CPE: variants seen among roughly 807,000 people sequenced by gnomAD.
The protein encoded by CPE is carboxypeptidase E.
A neutral mutation model predicts 53.5 loss-of-function variants in CPE; 17 were observed. The ratio of observed to expected loss-of-function variants is 0.32; its 90% confidence interval spans 0.22 to 0.48. The LOEUF (loss-of-function observed/expected upper bound fraction) is 0.48, where lower values mean the gene tolerates loss of function less well. Among genes scored for constraint, CPE ranks in the 20% least tolerant of loss-of-function variants. The pLI, the probability that CPE is intolerant of heterozygous loss-of-function variation, is 0.99. For missense variants in CPE, 524 were observed against 614.7 expected, an observed-to-expected ratio of 0.85 and a Z score of 1.56; for synonymous variants, 226 against 228.8, an observed-to-expected ratio of 0.99 and a Z score of 0.11.
chr4:165,464,529 C>T lies in CPE; in HGVS notation c.447C>T (p.Thr149=). The change falls in exon 2 of 9, where the codon ACC becomes ACT. Residue 149 remains threonine, a synonymous_variant. Transcript: ENST00000402744. ...CAATTGTCAACCTGATCCACAGTAC[C>T]CGCATTCACATCATGCCTTCCCTGA... The part of the protein sequence containing the change: ...NETIVNLIHS[T]RIHIMPSLNP... 6.2e-7 allele frequency: 1 copy of T among 1,613,616 alleles called. No homozygotes were observed. Among genetic ancestry groups the T allele is most frequent in the Non-Finnish European group, 8.5e-7 (1 of 1,179,772 alleles).
Position 165,391,131 on chromosome 4 carries a change from T to C in CPE, c.307+11603T>C, listed in dbSNP as rs182017131. On this transcript the variant is annotated intron_variant, in intron 1 of 8. Transcript: ENST00000402744. The stretch of plus-strand genomic sequence containing the variant: ...TTCAGTGTGAGGTATTTTTCCTGAA[T>C]AGTTTTAAAACTGTTATTCTTGTTG... Among the ~76,000 whole-genome samples the C allele has an allele frequency of 2.0e-3, 298 of 152,284 alleles. 1 individual carries two copies. The highest frequency in any genetic ancestry group is 6.7e-3 in the African/African-American group (278 of 41,578).
chr4:165,475,462 C>G (rs1214568907), intron 3 of CPE, among the ~76,000 whole-genome samples: 1 of 152,138 alleles, frequency 6.6e-6, no homozygotes, highest in Non-Finnish European at 1.5e-5. Context: ...TTTGCTGCTG[C>G]ACAAATGCAG....
At chr4:165,386,440 C>A in intron 1 of CPE, 1 of 386,948 alleles carries the variant, frequency 2.6e-6, no homozygotes. Context: ...AAATGCATAT[C>A]ATAAAACAAA....
chr4:165,495,301 A>G (rs6850689), intron 7 of CPE, among the ~76,000 whole-genome samples: 87,006 of 151,964 alleles, frequency 0.57, 27,430 homozygotes, highest in African/African-American at 0.86. Context: ...TGATTAGAAG[A>G]TCTATGATCG....
intron 1 of CPE, among the ~76,000 whole-genome samples, chr4:165,416,414 G>C (rs1198204102): frequency 5.3e-5 from 8 of 152,106 alleles, no homozygotes; most frequent in Admixed American, 5.2e-4. Flanking sequence ...ACAAAATATT[G>C]TTTTAAATTT....
At chr4:165,462,023 A>G (rs989478626) in intron 1 of CPE, among the ~76,000 whole-genome samples, 1 of 152,224 alleles carries the variant, frequency 6.6e-6, no homozygotes, top group African/African-American at 2.4e-5. Context: ...AACCTAAAGC[A>G]TTGTTATTGT....
At chr4:165,469,580 G>A (rs1732167859) in intron 3 of CPE, among the ~76,000 whole-genome samples, 1 of 152,082 alleles carries the variant, frequency 6.6e-6, no homozygotes, top group African/African-American at 2.4e-5. Flanking sequence ...CACTCCCTCT[G>A]TGAAGTCATC....
At chr4:165,464,862 TCATC>T (rs1732071505) in intron 2 of CPE, among the ~76,000 whole-genome samples, 1 of 152,236 alleles carries the variant, frequency 6.6e-6, no homozygotes, top group Non-Finnish European at 1.5e-5. Flanking sequence ...AATAAATTAT[TCATC>T]CATTTTTGTG....
chr4:165,406,110 T>G, intron 1 of CPE: 1 of 757,380 alleles, frequency 1.3e-6, no homozygotes, highest in East Asian at 2.5e-5. Flanking sequence ...CTAGCCCAGA[T>G]TTCATTCATA....
chr4:165,462,437 T>C (rs1262558785), intron 1 of CPE, among the ~76,000 whole-genome samples: 1 of 152,040 alleles, frequency 6.6e-6, no homozygotes, highest in East Asian at 1.9e-4. Context: ...CAAAGTTGTT[T>C]TGGGGAAGGG....
chr4:165,495,020 TCCCA>T (rs1218487042), intron 7 of CPE, among the ~76,000 whole-genome samples: 32 of 152,300 alleles, frequency 2.1e-4, no homozygotes, highest in Admixed American at 1.9e-3. Flanking sequence ...TTTACCAAGT[TCCCA>T]GGTTTGCACC....
Position 165,464,424 on chromosome 4 carries a change from T to C in CPE, c.342T>C (p.His114=), listed in dbSNP as rs147678061. ...EPEFKYIGNM[H]GNEAVGRELL... ...AATTTAAATACATTGGGAATATGCA[T>C]GGGAATGAGGCTGTTGGACGAGAAC... The change falls in exon 2 of 9, where the codon CAT becomes CAC. Residue 114 remains histidine, a synonymous_variant. Transcript: ENST00000402744. The C allele has an allele frequency of 3.2e-5, 52 of 1,611,750 alleles. No individual in the cohort carries two copies. Among genetic ancestry groups the C allele is most frequent in the Middle Eastern group, 3.3e-4 (2 of 6,072 alleles).
In CPE at chr4:165,485,813, A is replaced by G. The variant is rs192389198; in HGVS notation, c.973+1209A>G. ...AAGCTCCGTTAGTCTTCAGTTCTGT[A>G]TATAGTGAATAACATTCATGTCTTA... On this transcript the variant is annotated intron_variant, in intron 5 of 8. Coordinates refer to ENST00000402744, the MANE Select transcript of CPE (RefSeq NM_001873.4). 2.0e-5 allele frequency among the ~76,000 whole-genome samples: 3 copies of G among 152,356 alleles called. No homozygotes were observed. The East Asian group carries it at 5.8e-4, about 29-fold the overall frequency.
chr4:165,464,520 C>T lies in CPE; in HGVS notation c.438C>T (p.Ile146=). 1 of 1,613,864 alleles carries T rather than the reference C, an allele frequency of 6.2e-7. No homozygotes were observed. The highest frequency in any genetic ancestry group is 8.5e-7 in the Non-Finnish European group (1 of 1,179,908). The part of the protein sequence containing the change: ...QKGNETIVNL[I]HSTRIHIMPS... ...GGAACGAGACAATTGTCAACCTGAT[C>T]CACAGTACCCGCATTCACATCATGC... The change falls in exon 2 of 9, where the codon ATC becomes ATT. Residue 146 remains isoleucine, a synonymous_variant. Transcript: ENST00000402744.
Position 165,484,566 on chromosome 4 carries a change from G to C in CPE, c.935G>C (p.Gly312Ala). 6.2e-7 allele frequency: 1 copy of C among 1,614,118 alleles called. No homozygotes were observed. The change falls in exon 5 of 9, where the codon GGA (glycine) becomes GCA (alanine). Residue 312 changes from glycine (G) to alanine (A), a missense_variant. Transcript: ENST00000402744. ...KNDDDSSFVD[G>A]TTNGGAWYSV... Reference sequence around the variant, plus strand: ...GATGATGACAGCAGCTTTGTAGATGGAACCACCAACGGTGGTGCTTGGTAC... The same window carrying C: ...GATGATGACAGCAGCTTTGTAGATGCAACCACCAACGGTGGTGCTTGGTAC...
In CPE at chr4:165,379,242, C is replaced by T. The variant is rs1448408089; in HGVS notation, c.21C>T (p.Ser7=). Residue 7 remains serine, a synonymous_variant, in exon 1 of 9, where the codon AGC becomes AGT. Coordinates refer to ENST00000402744, the MANE Select transcript of CPE (RefSeq NM_001873.4). This position sits in a 1 kb window ranked among gnomAD's most constrained non-coding sequence, Gnocchi z 6.0. MAGRGG[S]ALLALCGALA... ...CAGCGATGGCCGGGCGAGGGGGCAG[C>T]GCGCTGCTGGCTCTGTGCGGGGCAC... is the stretch of plus-strand genomic sequence containing the variant. 2 of 1,256,476 alleles carry T rather than the reference C, an allele frequency of 1.6e-6. No homozygotes were observed. Among genetic ancestry groups the T allele is most frequent in the African/African-American group, 1.6e-5 (1 of 64,158 alleles). 77.8% of individuals were successfully genotyped at this position (1,256,476 alleles called of 1,614,324 possible). A position where few individuals can be genotyped will look rare whatever the true frequency, so the allele number is the denominator to read the frequency against.
At position 165,482,342 on chromosome 4, in the gene CPE, A is replaced by G. The variant is rs914770769; in HGVS notation, c.773A>G (p.Tyr258Cys). The part of the protein sequence containing the change: ...HGGDLVANYP[Y>C]DETRSGSAHE... ...GGAGACCTTGTGGCCAATTATCCATATGATGAGACGCGGAGTGGTAGGTAT... is the reference window on the plus strand; with the variant it reads ...GGAGACCTTGTGGCCAATTATCCATGTGATGAGACGCGGAGTGGTAGGTAT... Residue 258 changes from tyrosine to cysteine, a missense_variant, in exon 4 of 9, where the codon TAT becomes TGT. Tyr to Cys is a radical substitution (Grantham distance 194). Coordinates refer to ENST00000402744, the MANE Select transcript of CPE (RefSeq NM_001873.4). The G allele has an allele frequency of 6.2e-7, 1 of 1,611,916 alleles. No individual in the cohort carries two copies. Among genetic ancestry groups the G allele is most frequent in the Non-Finnish European group, 8.5e-7 (1 of 1,177,976 alleles).
chr4:165,455,084 G>A (rs1308177543), intron 1 of CPE, among the ~76,000 whole-genome samples: 1 of 152,178 alleles, frequency 6.6e-6, no homozygotes, highest in Non-Finnish European at 1.5e-5. Context: ...ACTTGATGCT[G>A]CCTCCTAAAC....
chr4:165,484,478 C>T lies in CPE; in HGVS notation c.847C>T (p.Arg283Trp), dbSNP rs142408232. The part of the protein sequence containing the change: ...PDDAIFQSLA[R>W]AYSSFNPAMS... ...TGACGCCATTTTCCAAAGCTTGGCC[C>T]GGGCATACTCTTCTTTCAACCCGGC... The change falls in exon 5 of 9, where the codon CGG (arginine) becomes TGG (tryptophan). Residue 283 changes from arginine (R) to tryptophan (W), a missense_variant. Coordinates refer to ENST00000402744, the MANE Select transcript of CPE (RefSeq NM_001873.4). The T allele has an allele frequency of 2.1e-4, 341 of 1,613,902 alleles. 1 individual carries two copies. Among genetic ancestry groups the T allele is most frequent in the East Asian group, 2.9e-4 (13 of 44,882 alleles).
Sources: gnomAD v4.1 joint callset for allele counts (sites outside exome capture counted in the v4.1 genomes callset) on GRCh38, gnomAD v4.1.1 for gene constraint, Gnocchi (gnomAD v3.1) non-coding constraint, MANE v1.5 for transcripts, NCBI Gene and HGNC (gene_info 2026-07-23, HGNC 2026-07-21) for gene names.